Variants in OTOGL observed in about 807,000 individuals in gnomAD.
The protein encoded by OTOGL is otogelin-like protein.
In OTOGL, 285 loss-of-function variants were observed where a neutral mutation model predicts 318.5. The ratio of observed to expected loss-of-function variants is 0.89; its 90% CI spans 0.81 to 0.99. The LOEUF is 0.99. OTOGL is among the 50% of genes least tolerant of loss of function. OTOGL has a pLI of 0.00. For synonymous variants in OTOGL, 987 were observed against 936.5 expected (o/e 1.05, Z -0.99); for missense variants, 2,899 against 2,845.6 (o/e 1.02, Z -0.43).
At chr12:80,321,590 TA>T (rs1887337045) in intron 34 of OTOGL, among the ~76,000 whole-genome samples, 1 of 151,058 alleles carries the variant, frequency 6.6e-6, no homozygotes, top group South Asian at 2.1e-4. Context: ...AATAAAAAAA[TA>T]AAAAATAAAA....
intron 1 of OTOGL, among the ~76,000 whole-genome samples, chr12:80,145,565 T>A (rs1386081551): frequency 2.0e-5 from 3 of 151,836 alleles, no homozygotes; most frequent in Non-Finnish European, 4.4e-5. Context: ...CCATATGAAC[T>A]TTAAAGTAGT....
At chr12:80,254,628 AAGAT>A in intron 15 of OTOGL, 58 bp downstream of exon 15, 1 of 1,344,898 alleles carries the variant, frequency 7.4e-7, no homozygotes, top group East Asian at 2.3e-5. Flanking sequence ...ACTGGGGAGA[AAGAT>A]AGCACTGATC....
intron 1 of OTOGL, among the ~76,000 whole-genome samples, chr12:80,151,955 TTTACCATTATTG>T (rs1324765438): frequency 6.6e-6 from 1 of 152,234 alleles, no homozygotes; most frequent in African/African-American, 2.4e-5. Context: ...GGTATTTATT[TTTACCATTATTG>T]TTTTTCGGAC....
intron 9 of OTOGL, among the ~76,000 whole-genome samples, chr12:80,236,924 C>T (rs1156251281): frequency 2.6e-5 from 4 of 150,984 alleles, no homozygotes; most frequent in East Asian, 3.9e-4. Flanking sequence ...AAACAAGTCT[C>T]GTGCCTCAGC....
rs374319742 is a variant in OTOGL, at chr12:80,114,197, C to G, written c.-20+14592C>G. ...TTGTGCCCGTTAGTTGATGTAGTTT[C>G]TTCATAGTGTCAATGGCCTTTACAT... On this transcript the variant is annotated intron_variant, in intron 1 of 58. Coordinates refer to ENST00000547103, the MANE Select transcript of OTOGL (RefSeq NM_001378609.3). Among the ~76,000 whole-genome samples the G allele has an allele frequency of 2.3e-4, 35 of 152,226 alleles. No individual in the cohort carries two copies. In the East Asian group the frequency reaches 2.9e-3, roughly 13 times the overall value.
At chr12:80,122,512 T>C (rs956695384) in intron 1 of OTOGL, among the ~76,000 whole-genome samples, 3 of 152,212 alleles carry the variant, frequency 2.0e-5, no homozygotes, top group Non-Finnish European at 2.9e-5. Context: ...AAAACTCTTA[T>C]CTGGTTAAGT....
At chr12:80,189,119 G>A (rs888621489) in intron 1 of OTOGL, among the ~76,000 whole-genome samples, 3 of 152,066 alleles carry the variant, frequency 2.0e-5, no homozygotes, top group African/African-American at 4.8e-5. Context: ...ATCCTTTAAG[G>A]CTTTTTGGTT....
intron 1 of OTOGL, among the ~76,000 whole-genome samples, chr12:80,126,728 A>T (rs1042359100): frequency 3.9e-4 from 60 of 152,284 alleles, no homozygotes; most frequent in South Asian, 1.2e-3. Context: ...GTGCTCTTGT[A>T]TTGGGTGCAT....
intron 25 of OTOGL, 57 bp downstream of exon 25, chr12:80,278,332 T>C: frequency 1.5e-6 from 2 of 1,318,166 alleles, no homozygotes; most frequent in Non-Finnish European, 2.1e-6. Context: ...TAAATTTCAA[T>C]CATCTTTTAT....
chr12:80,262,529 A>G (rs1882630104), intron 19 of OTOGL, among the ~76,000 whole-genome samples: 1 of 152,130 alleles, frequency 6.6e-6, no homozygotes, highest in Non-Finnish European at 1.5e-5. Context: ...CATAGCATAT[A>G]TTATGGCTTT....
intron 1 of OTOGL, among the ~76,000 whole-genome samples, chr12:80,121,844 C>G (rs547145183): frequency 6.6e-6 from 1 of 152,114 alleles, no homozygotes; most frequent in Non-Finnish European, 1.5e-5. Context: ...TAAGCAGGAA[C>G]AATTTGTATT....
intron 53 of OTOGL, among the ~76,000 whole-genome samples, chr12:80,367,140 CTTTTTTTTTTTT>C (rs34564981): frequency 3.8e-5 from 5 of 131,050 alleles, no homozygotes; most frequent in Non-Finnish European, 6.5e-5. Context: ...CCATACCCAG[CTTTTTTTTTTTT>C]TTTTTGGAAA....
intron 1 of OTOGL, among the ~76,000 whole-genome samples, chr12:80,201,546 A>G (rs1354519175): frequency 2.0e-5 from 3 of 152,178 alleles, no homozygotes; most frequent in African/African-American, 7.2e-5. Flanking sequence ...TAGGCCCTGC[A>G]TCCAACATTG....
At chr12:80,203,667 C>T (rs185245173) in intron 1 of OTOGL, among the ~76,000 whole-genome samples, 2 of 152,238 alleles carry the variant, frequency 1.3e-5, no homozygotes, top group African/African-American at 2.4e-5. Flanking sequence ...TGCTCAGTAG[C>T]GGGTAGTGAG....
intron 1 of OTOGL, among the ~76,000 whole-genome samples, chr12:80,154,056 C>T (rs1872958091): frequency 6.6e-6 from 1 of 152,178 alleles, no homozygotes. Flanking sequence ...TGCCTGTAAT[C>T]CCAGCACTTT....
At chr12:80,348,657 A>G (rs575707128) in intron 44 of OTOGL, among the ~76,000 whole-genome samples, 1 of 152,302 alleles carries the variant, frequency 6.6e-6, no homozygotes, top group African/African-American at 2.4e-5. Context: ...AGTACATTCC[A>G]AAGTTCTTAC....
rs1445267627 is a variant in OTOGL, at chr12:80,355,756, C to T, written c.5614C>T (p.Gln1872Ter). 1 of 1,613,190 alleles carries T rather than the reference C, an allele frequency of 6.2e-7. No homozygotes were observed. The highest frequency in any genetic ancestry group is 8.5e-7 in the Non-Finnish European group (1 of 1,179,446). The change falls in exon 47 of 59, where the codon CAA becomes TAA. Residue 1872 changes from glutamine to a stop codon, truncating the protein, a stop_gained. Transcript: ENST00000547103. LOFTEE classifies it high-confidence loss of function. The part of the protein sequence containing the change: ...KECACTDSED[Q>*]PRTAGEIWNG... ...TTAAGCATGCACTGATAGTGAAGAC[C>T]AACCCCGCACTGCTGGGGAGATTTG...
At chr12:80,229,517 C>T (rs1040867099) in intron 8 of OTOGL, 139 bp downstream of exon 8, 3 of 1,210,630 alleles carry the variant, frequency 2.5e-6, no homozygotes, top group Non-Finnish European at 2.3e-6. Flanking sequence ...AACATACAGA[C>T]ATCAAAACTT....
chr12:80,171,171 C>G (rs1592515574), intron 1 of OTOGL, among the ~76,000 whole-genome samples: 1 of 152,064 alleles, frequency 6.6e-6, no homozygotes, highest in East Asian at 1.9e-4. Flanking sequence ...CCTCCTGGCT[C>G]AAGTGATCCT....
Sources: allele counts gnomAD v4.1 joint callset (sites outside exome capture counted in the v4.1 genomes callset), GRCh38; gene constraint gnomAD v4.1.1; transcripts MANE v1.5; gene names NCBI Gene and HGNC (gene_info 2026-07-23, HGNC 2026-07-21).